NBEA: variants seen among roughly 807,000 people sequenced by gnomAD.
NBEA encodes lysosomal-trafficking regulator 2.
NBEA carries 44 observed loss-of-function variants against 343.4 expected under a neutral mutation model. The ratio of observed to expected loss-of-function variants is 0.13; its 90% CI spans 0.10 to 0.16. The LOEUF is 0.16. Ranked by LOEUF, NBEA falls within the 10% of genes least tolerant of loss-of-function variation. The pLI is 1.00. For synonymous variants in NBEA, 1,175 were observed against 1,238.7 expected (o/e 0.95, Z 1.08); for missense variants, 2,555 against 3,631.3 (o/e 0.70, Z 7.62).
At chr13:35,307,018 A>G (rs2036935286) in intron 35 of NBEA, among the ~76,000 whole-genome samples, 1 of 152,054 alleles carries the variant, frequency 6.6e-6, no homozygotes, top group Admixed American at 6.6e-5. Context: ...CAACAAATTC[A>G]GACAACAGTG....
At chr13:35,089,787 A>G (rs918332752) in intron 10 of NBEA, among the ~76,000 whole-genome samples, 5 of 150,240 alleles carry the variant, frequency 3.3e-5, no homozygotes, top group Non-Finnish European at 7.4e-5. Flanking sequence ...GGAGATCATC[A>G]TTCTCAGTAA....
intron 1 of NBEA, among the ~76,000 whole-genome samples, chr13:35,004,006 C>T (rs147891533): frequency 1.3e-3 from 202 of 152,244 alleles, no homozygotes; most frequent in African/African-American, 4.5e-3. Context: ...TCAGCTCCCA[C>T]TTATTAGTGA....
chr13:35,128,884 C>G (rs118183317), intron 17 of NBEA, among the ~76,000 whole-genome samples: 1 of 151,878 alleles, frequency 6.6e-6, no homozygotes, highest in East Asian at 1.9e-4. Flanking sequence ...ATTTTTTAAC[C>G]CTTCACCCTA....
At chr13:35,544,066 A>T (rs1207846906) in intron 41 of NBEA, among the ~76,000 whole-genome samples, 1 of 152,226 alleles carries the variant, frequency 6.6e-6, no homozygotes, top group Non-Finnish European at 1.5e-5. Context: ...ATCCTGAGCC[A>T]TTGCCACAAA....
At chr13:35,486,153 T>C (rs1219672200) in intron 41 of NBEA, among the ~76,000 whole-genome samples, 1 of 152,150 alleles carries the variant, frequency 6.6e-6, no homozygotes, top group Non-Finnish European at 1.5e-5. Context: ...TATTATGTCA[T>C]TAAAACTTAG....
chr13:35,112,938 T>A (rs762170569), intron 13 of NBEA, among the ~76,000 whole-genome samples: 2 of 152,192 alleles, frequency 1.3e-5, no homozygotes, highest in African/African-American at 2.4e-5. Flanking sequence ...ATTAATATGA[T>A]ACTATCATCT....
intron 8 of NBEA, among the ~76,000 whole-genome samples, chr13:35,068,601 C>A (rs1416912381): frequency 2.0e-5 from 3 of 152,164 alleles, no homozygotes; most frequent in Non-Finnish European, 4.4e-5. Context: ...ATACTTCAGA[C>A]TACAGCATAC....
chr13:35,100,069 A>T (rs1242157503), intron 11 of NBEA, among the ~76,000 whole-genome samples: 1 of 152,250 alleles, frequency 6.6e-6, no homozygotes, highest in Admixed American at 6.5e-5. Flanking sequence ...AATTGAGAAG[A>T]TATTTTGAAG....
chr13:35,207,961 C>G (rs2073506443), intron 31 of NBEA, among the ~76,000 whole-genome samples: 1 of 152,156 alleles, frequency 6.6e-6, no homozygotes, highest in South Asian at 2.1e-4. Context: ...TGGCTCACGC[C>G]TGTAATCCCA....
intron 1 of NBEA, among the ~76,000 whole-genome samples, chr13:35,026,431 G>A (rs9592840): frequency 0.97 from 146,910 of 152,200 alleles, 70,995 homozygotes; most frequent in Non-Finnish European, 0.99. Context: ...TGCTCTTTAT[G>A]TTTTATATCT....
chr13:35,502,250 T>A (rs2076918044), intron 41 of NBEA, among the ~76,000 whole-genome samples: 1 of 152,134 alleles, frequency 6.6e-6, no homozygotes. Flanking sequence ...AATTTTTGTT[T>A]ATTTTCTTTC....
intron 1 of NBEA, among the ~76,000 whole-genome samples, chr13:35,015,358 G>T (rs2061621632): frequency 6.6e-6 from 1 of 152,022 alleles, no homozygotes; most frequent in Non-Finnish European, 1.5e-5. Context: ...GGTGTTTTAG[G>T]AAGGTGAATT....
At chr13:35,440,288 T>C (rs1268981603) in intron 39 of NBEA, among the ~76,000 whole-genome samples, 1 of 152,198 alleles carries the variant, frequency 6.6e-6, no homozygotes, top group Non-Finnish European at 1.5e-5. Context: ...TCTAGAAGGA[T>C]GGTATTTCCA....
chr13:35,278,354 A>C (rs2034792693), intron 34 of NBEA, among the ~76,000 whole-genome samples: 1 of 152,148 alleles, frequency 6.6e-6, no homozygotes, highest in South Asian at 2.1e-4. Flanking sequence ...ATTGTATTGT[A>C]AGTTTAACAC....
intron 1 of NBEA, among the ~76,000 whole-genome samples, chr13:35,031,378 G>A (rs1250167697): frequency 2.0e-5 from 3 of 151,664 alleles, no homozygotes; most frequent in Admixed American, 2.0e-4. Flanking sequence ...TTCAGTAAAT[G>A]TCCAAGTGAT....
At chr13:35,287,043 A>G (rs2035471549) in intron 34 of NBEA, among the ~76,000 whole-genome samples, 1 of 152,056 alleles carries the variant, frequency 6.6e-6, no homozygotes. Flanking sequence ...TTCATAATAT[A>G]TTCAAAAGCA....
chr13:35,615,056 A>G (rs541363709), intron 48 of NBEA, among the ~76,000 whole-genome samples: 57 of 150,690 alleles, frequency 3.8e-4, no homozygotes, highest in South Asian at 1.7e-3. Flanking sequence ...GCCAAGGCAG[A>G]TCGATCGCTT....
intron 36 of NBEA, among the ~76,000 whole-genome samples, chr13:35,332,441 A>G (rs976533151): frequency 6.6e-6 from 1 of 152,132 alleles, no homozygotes; most frequent in African/African-American, 2.4e-5. Flanking sequence ...AGGTTAGAGA[A>G]GTAGACAGAC....
chr13:35,584,938 C>T (rs2081228200), intron 46 of NBEA, among the ~76,000 whole-genome samples: 1 of 151,764 alleles, frequency 6.6e-6, no homozygotes, highest in South Asian at 2.1e-4. Context: ...ACACCTAGCC[C>T]TGGAGTGCAT....
Sources: allele counts gnomAD v4.1 joint callset (sites outside exome capture counted in the v4.1 genomes callset), GRCh38; gene constraint gnomAD v4.1.1; transcripts MANE v1.5; gene names NCBI Gene and HGNC (gene_info 2026-07-23, HGNC 2026-07-21).